SHE: variants seen among roughly 807,000 people sequenced by gnomAD.
SHE encodes the protein SH2 domain-containing adapter protein E.
Under a neutral mutation model 49.8 loss-of-function variants are expected in SHE, and 11 were observed. The ratio of observed to expected loss-of-function variants is 0.22; its 90% confidence interval spans 0.14 to 0.37. The LOEUF (loss-of-function observed/expected upper bound fraction) is 0.37, where lower values mean the gene tolerates loss of function less well. Among genes scored for constraint, SHE ranks in the 10% least tolerant of loss-of-function variants. SHE has a pLI of 1.00. For synonymous variants in SHE, 310 were observed against 278.1 expected (o/e 1.11, Z -1.14); for missense variants, 624 against 655.5 (o/e 0.95, Z 0.52).
At chr1:154,501,245 T>C (rs1387604291) in intron 1 of SHE, among the ~76,000 whole-genome samples, 191 bp downstream of exon 1, 1 of 152,142 alleles carries the variant, frequency 6.6e-6, no homozygotes, top group Non-Finnish European at 1.5e-5. Context: ...ACCTCTAAAA[T>C]AAGAGTTTTT....
chr1:154,480,886 G>A lies in SHE; in HGVS notation c.*3263C>T, dbSNP rs1017176182. 2 of 985,226 alleles carry A rather than the reference G, an allele frequency of 2.0e-6. No individual in the cohort carries two copies. Among genetic ancestry groups the A allele is most frequent in the African/African-American group, 3.5e-5 (2 of 57,182 alleles). The allele number at this position is 985,226 out of a possible 1,614,324, so 61.0% of individuals were successfully genotyped here. ...CTTATAGGCCTGAAACTAACCAACT[G>A]AACTTGTCCAGTCATCGCAAGCAAG... On this transcript the variant is annotated 3_prime_UTR_variant, in exon 6 of 6. Coordinates refer to ENST00000304760, the MANE Select transcript of SHE (RefSeq NM_001010846.3).
Position 154,481,874 on chromosome 1 carries a change from G to C in SHE, c.*2275C>G. ...TTTTGTTTGCTTGCTTGTTGAGACA[G>C]GGTCTCACTCTGTCACTCAGGCTGG... On this transcript the variant is annotated 3_prime_UTR_variant, in exon 6 of 6. Transcript: ENST00000304760. 2.4e-6 allele frequency: 2 copies of C among 837,778 alleles called. No homozygotes were observed. The highest frequency in any genetic ancestry group is 2.9e-6 in the Non-Finnish European group (2 of 695,328). 51.9% of individuals were successfully genotyped at this position (837,778 alleles called of 1,614,324 possible).
At position 154,501,920 on chromosome 1, in the gene SHE, A is replaced by AG; in HGVS notation, c.106dup (p.Leu36ProfsTer131). ...CTCCTTGAACCACTTGGCCGCCATG[A>AG]GGGGGCCCCGGCCGGCTCGGCCCAG... is the stretch of plus-strand genomic sequence containing the variant. On this transcript the variant is annotated frameshift_variant, in exon 1 of 6. Coordinates refer to ENST00000304760, the MANE Select transcript of SHE (RefSeq NM_001010846.3). LOFTEE classifies it high-confidence loss of function. 1.3e-6 allele frequency: 2 copies of AG among 1,497,074 alleles called. No individual in the cohort carries two copies. The highest frequency in any genetic ancestry group is 2.6e-5 in the East Asian group (1 of 38,592). The allele number at this position is 1,497,074 out of a possible 1,614,324, so 92.7% of individuals were successfully genotyped here.
chr1:154,501,372 GC>G, intron 1 of SHE, 63 bp downstream of exon 1: 1 of 1,516,808 alleles, frequency 6.6e-7, no homozygotes, highest in Non-Finnish European at 9.0e-7. Flanking sequence ...GAAGCCTAGG[GC>G]TTAGCAGGCG....
intron 3 of SHE, 148 bp downstream of exon 3, chr1:154,488,903 T>G: frequency 8.8e-7 from 1 of 1,130,620 alleles, no homozygotes; most frequent in Non-Finnish European, 1.2e-6. Context: ...ATTCTTTCAA[T>G]GGTCATTTCA....
chr1:154,499,092 T>C lies in SHE; in HGVS notation c.718+20A>G, dbSNP rs765253864. ...GAGTGTGAGATTTCAGTCTCTATTC[T>C]GTAGAGCCTGCTTACAAACCTGTTA... On this transcript the variant is annotated intron_variant, in intron 2 of 5. Coordinates refer to ENST00000304760, the MANE Select transcript of SHE (RefSeq NM_001010846.3). The C allele has an allele frequency of 5.1e-5, 83 of 1,613,406 alleles. 1 individual carries two copies. In the Admixed American group the frequency reaches 1.1e-3, roughly 21 times the overall value.
chr1:154,501,719 A>G lies in SHE; in HGVS notation c.308T>C (p.Leu103Pro). Reference protein sequence around the residue: ...RAGVGPKDSRLSRDSLQGLIQ... With the variant: ...RAGVGPKDSRPSRDSLQGLIQ... ...CAGACCCTGCAGGCTGTCGCGGGAC[A>G]GCCGGCTGTCCTTGGGGCCGACGCC... The change falls in exon 1 of 6, where the codon CTG becomes CCG. Residue 103 changes from leucine to proline, a missense_variant. Coordinates refer to ENST00000304760, the MANE Select transcript of SHE (RefSeq NM_001010846.3). The G allele has an allele frequency of 2.5e-6, 4 of 1,602,654 alleles. No individual in the cohort carries two copies. The highest frequency in any genetic ancestry group is 3.4e-6 in the Non-Finnish European group (4 of 1,176,512).
Position 154,479,977 on chromosome 1 carries a change from C to G in SHE, c.*4172G>C. On this transcript the variant is annotated 3_prime_UTR_variant, in exon 6 of 6. Coordinates refer to ENST00000304760, the MANE Select transcript of SHE (RefSeq NM_001010846.3). Reference sequence around the variant, plus strand: ...AGCCCTACCCTTAAATGCACAGCTGCTTTTCCCAACTGCAGTTTTCTCTTT... The same window carrying G: ...AGCCCTACCCTTAAATGCACAGCTGGTTTTCCCAACTGCAGTTTTCTCTTT... 2 of 985,448 alleles carry G rather than the reference C, an allele frequency of 2.0e-6. No individual in the cohort carries two copies. The highest frequency in any genetic ancestry group is 2.4e-6 in the Non-Finnish European group (2 of 829,946). The allele number at this position is 985,448 out of a possible 1,614,324, so 61.0% of individuals were successfully genotyped here.
chr1:154,471,943 C>A (rs548430266), intron 1 of SHE, among the ~76,000 whole-genome samples: 2 of 152,202 alleles, frequency 1.3e-5, no homozygotes, highest in East Asian at 3.9e-4. Flanking sequence ...GAGGCCAAGG[C>A]GGGTGGATCA....
At chr1:154,471,796 TG>T (rs990205259) in intron 1 of SHE, among the ~76,000 whole-genome samples, 5 of 152,164 alleles carry the variant, frequency 3.3e-5, no homozygotes, top group Non-Finnish European at 5.9e-5. Context: ...TTAATAAAGC[TG>T]CCCAATGTCC....
At chr1:154,487,016 G>GT (rs1221214574) in intron 3 of SHE, among the ~76,000 whole-genome samples, 2 of 152,198 alleles carry the variant, frequency 1.3e-5, no homozygotes, top group African/African-American at 4.8e-5. Context: ...GCTCATGCCT[G>GT]TAATCCCACC....
chr1:154,479,581 T>C lies in SHE; in HGVS notation c.*4568A>G. ...GCTACTGCAAAACAACCAGAAGTTT[T>C]ATAAAATATTTCTGATTTAAATTAC... On this transcript the variant is annotated 3_prime_UTR_variant, in exon 6 of 6. Coordinates refer to ENST00000304760, the MANE Select transcript of SHE (RefSeq NM_001010846.3). The C allele has an allele frequency of 1.0e-6, 1 of 977,252 alleles. No individual in the cohort carries two copies. Among genetic ancestry groups the C allele is most frequent in the Non-Finnish European group, 1.2e-6 (1 of 822,526 alleles). The allele number at this position is 977,252 out of a possible 1,614,324, so 60.5% of individuals were successfully genotyped here.
At position 154,501,636 on chromosome 1, in the gene SHE, G is replaced by A. The variant is rs199994588; in HGVS notation, c.391C>T (p.His131Tyr). The A allele has an allele frequency of 6.2e-7, 1 of 1,614,156 alleles. No individual in the cohort carries two copies. Among genetic ancestry groups the A allele is most frequent in the African/African-American group, 1.3e-5 (1 of 75,058 alleles). The change falls in exon 1 of 6, where the codon CAC (histidine) becomes TAC (tyrosine). Residue 131 changes from histidine (H) to tyrosine (Y), a missense_variant. Around this residue, in one of 4 missense-constraint regions of SHE, gnomAD observed 337 missense variants for 306.0 expected, o/e 1.10. Coordinates refer to ENST00000304760, the MANE Select transcript of SHE (RefSeq NM_001010846.3). ...KNSRATEEEPHRGATKSSGCS... is the reference protein window; with the variant it reads ...KNSRATEEEPYRGATKSSGCS... Reference sequence around the variant, plus strand: ...CCCGAGCTCTTGGTTGCACCCCGGTGGGGCTCCTCCTCCGTGGCCCGGGAG... The same window carrying A: ...CCCGAGCTCTTGGTTGCACCCCGGTAGGGCTCCTCCTCCGTGGCCCGGGAG...
At chr1:154,470,942 G>A (rs1018152329) in intron 1 of SHE, among the ~76,000 whole-genome samples, 6 of 151,708 alleles carry the variant, frequency 4.0e-5, no homozygotes, top group Non-Finnish European at 7.4e-5. Context: ...CCCGGGAGGC[G>A]GAGGTTTCAG....
In SHE at chr1:154,483,899, G is replaced by A; in HGVS notation, c.*250C>T. 8.9e-7 allele frequency: 1 copy of A among 1,129,800 alleles called. No individual in the cohort carries two copies. Among genetic ancestry groups the A allele is most frequent in the Non-Finnish European group, 1.1e-6 (1 of 876,684 alleles). The allele number at this position is 1,129,800 out of a possible 1,614,324, so 70.0% of individuals were successfully genotyped here. A position where few individuals can be genotyped will look rare whatever the true frequency, so the allele number is the denominator to read the frequency against. ...TATAGTCCCACCTACTTGGGAGGCTGATGGGGAAGAACTGCTTGAACCCAG... is the reference window on the plus strand; with the variant it reads ...TATAGTCCCACCTACTTGGGAGGCTAATGGGGAAGAACTGCTTGAACCCAG... On this transcript the variant is annotated 3_prime_UTR_variant, in exon 6 of 6. Transcript: ENST00000304760.
Position 154,480,684 on chromosome 1 carries a change from G to C in SHE, c.*3465C>G. 5.1e-6 allele frequency: 5 copies of C among 985,352 alleles called. No individual in the cohort carries two copies. Among genetic ancestry groups the C allele is most frequent in the Non-Finnish European group, 6.0e-6 (5 of 829,898 alleles). The allele number at this position is 985,352 out of a possible 1,614,324, so 61.0% of individuals were successfully genotyped here. On this transcript the variant is annotated 3_prime_UTR_variant, in exon 6 of 6. Coordinates refer to ENST00000304760, the MANE Select transcript of SHE (RefSeq NM_001010846.3). ...GAAAGTGCTTTGAATAACTTAAAAT[G>C]ACACTTCTGCCCCCAACAGAGAGTA...
In SHE at chr1:154,480,091, G is replaced by T. The variant is rs1215132806; in HGVS notation, c.*4058C>A. On this transcript the variant is annotated 3_prime_UTR_variant, in exon 6 of 6. Transcript: ENST00000304760. ...GAACAGAAGGCCCACTGCACAGCAG[G>T]CCAAGTTTCTCTAGTCCACGTTAGT... is the stretch of plus-strand genomic sequence containing the variant. 1 of 985,376 alleles carries T rather than the reference G, an allele frequency of 1.0e-6. No homozygotes were observed. Among genetic ancestry groups the T allele is most frequent in the South Asian group, 4.7e-5 (1 of 21,288 alleles). The allele number at this position is 985,376 out of a possible 1,614,324, so 61.0% of individuals were successfully genotyped here.
chr1:154,478,727 A>G (rs938991438), downstream of SHE, among the ~76,000 whole-genome samples: 5 of 152,184 alleles, frequency 3.3e-5, no homozygotes, highest in Admixed American at 6.5e-5. Flanking sequence ...GGGTGCTTGT[A>G]AACACGTGTT....
chr1:154,493,066 G>C (rs138902050), intron 2 of SHE, among the ~76,000 whole-genome samples: 1 of 152,200 alleles, frequency 6.6e-6, no homozygotes, highest in Non-Finnish European at 1.5e-5. Flanking sequence ...ACGCGTTTGA[G>C]TTTTTACTTT....
Sources: gnomAD v4.1 joint callset for allele counts (sites outside exome capture counted in the v4.1 genomes callset) on GRCh38, gnomAD v4.1.1 for gene constraint, gnomAD v4.1.1 regional missense constraint, MANE v1.5 for transcripts, NCBI Gene and HGNC (gene_info 2026-07-23, HGNC 2026-07-21) for gene names.